The following CTDP1 variants were observed in gnomAD, a reference collection of about 807,000 sequenced individuals.
CTDP1 encodes the protein RNA polymerase II subunit A C-terminal domain phosphatase.
A neutral mutation model predicts 91.8 loss-of-function variants in CTDP1; 47 were observed. The ratio of observed to expected loss-of-function variants is 0.51; its 90% CI spans 0.41 to 0.65. The LOEUF (loss-of-function observed/expected upper bound fraction) is 0.65, where lower values mean the gene tolerates loss of function less well. CTDP1 is among the 30% of genes least tolerant of loss of function. The pLI, the probability that CTDP1 is intolerant of heterozygous loss-of-function variation, is 0.00. For synonymous variants in CTDP1, 656 were observed against 598.5 expected (o/e 1.10, Z -1.40); for missense variants, 1,272 against 1,373.7 (o/e 0.93, Z 1.17).
At position 79,753,718 on chromosome 18, in the gene CTDP1, G is replaced by A; in HGVS notation, c.2814G>A (p.Glu938=). ...ASESSRESSN[E]DEGSSSEADE... is the part of the protein sequence containing the mutation. ...AGTCCAGCAGGGAGTCCAGCAACGA[G>A]GATGAGGGCAGCAGCTCCGAGGCCG... Residue 938 remains glutamate (E), a synonymous_variant, in exon 13 of 13, where the codon GAG becomes GAA. Transcript: ENST00000613122. 6.2e-7 allele frequency: 1 copy of A among 1,614,104 alleles called. No homozygotes were observed. Among genetic ancestry groups the A allele is most frequent in the African/African-American group, 1.3e-5 (1 of 75,060 alleles).
chr18:79,695,168 G>T (rs1170723467), intron 1 of CTDP1, 57 bp from the exon 2 acceptor site: 20 of 1,486,834 alleles, frequency 1.3e-5, no homozygotes, highest in Non-Finnish European at 1.8e-5. Context: ...TTACTTGGGG[G>T]CTCTTTTGAT....
chr18:79,696,059 G>A lies in CTDP1; in HGVS notation c.481G>A (p.Val161Met). ...GGTGCACAGCGTGCCGGAGTTGATG[G>A]TGAGCTCCGAGGTGAGCCGGGCATC... The part of the protein sequence containing the change: ...SMVHSVPELM[V>M]SSEQAEQLGR... Residue 161 changes from valine to methionine, a missense_variant, in exon 3 of 13, where the codon GTG becomes ATG. This residue lies in a region of CTDP1 where 177 missense variants were observed against 283.0 expected (regional missense o/e 0.63). Transcript: ENST00000613122. 3 of 1,611,702 alleles carry A rather than the reference G, an allele frequency of 1.9e-6. No individual in the cohort carries two copies. The highest frequency in any genetic ancestry group is 1.7e-6 in the Non-Finnish European group (2 of 1,179,974).
At chr18:79,688,108 G>C (rs1006138435) in intron 1 of CTDP1, among the ~76,000 whole-genome samples, 1 of 152,350 alleles carries the variant, frequency 6.6e-6, no homozygotes, top group Admixed American at 6.5e-5. Flanking sequence ...CCACCTGTGC[G>C]TGTTCTCCAG....
chr18:79,700,591 G>C (rs1392531719), intron 4 of CTDP1, among the ~76,000 whole-genome samples: 1 of 152,268 alleles, frequency 6.6e-6, no homozygotes, highest in Non-Finnish European at 1.5e-5. Flanking sequence ...GTTGGTTCAT[G>C]AGGGTGAAGG....
At chr18:79,721,086 G>A (rs1030656127) in intron 10 of CTDP1, among the ~76,000 whole-genome samples, 5 of 152,134 alleles carry the variant, frequency 3.3e-5, no homozygotes, top group African/African-American at 1.2e-4. Flanking sequence ...CATCTGTGGC[G>A]AAGGCATAGC....
At position 79,680,013 on chromosome 18, in the gene CTDP1, G is replaced by T; in HGVS notation, c.66G>T (p.Val22=). 1 of 1,293,052 alleles carries T rather than the reference G, an allele frequency of 7.7e-7. No individual in the cohort carries two copies. 80.1% of individuals were successfully genotyped at this position (1,293,052 alleles called of 1,614,324 possible). Residue 22 remains valine (V), a synonymous_variant, in exon 1 of 13, where the codon GTG becomes GTT. Transcript: ENST00000613122. ...EGAPTAAVAE[V]RCPGPAPLRL... is the part of the protein sequence containing the mutation. Reference sequence around the variant, plus strand: ...CCCCGACGGCGGCTGTGGCCGAGGTGCGCTGCCCGGGGCCCGCGCCGCTGC... The same window carrying T: ...CCCCGACGGCGGCTGTGGCCGAGGTTCGCTGCCCGGGGCCCGCGCCGCTGC...
chr18:79,738,222 G>A lies in CTDP1; in HGVS notation c.2747+1701G>A, dbSNP rs370715870. Reference sequence around the variant, plus strand: ...TTGAGGATTTAGAAGCACGGCTCCCGTCTTCAGCTCCGGGGCTGCTCCGAG... The same window carrying A: ...TTGAGGATTTAGAAGCACGGCTCCCATCTTCAGCTCCGGGGCTGCTCCGAG... On this transcript the variant is annotated intron_variant, in intron 12 of 12. Transcript: ENST00000613122. Among the ~76,000 whole-genome samples, 62 of 152,326 alleles carry A rather than the reference G, an allele frequency of 4.1e-4. No homozygotes were observed. The South Asian group carries it at 0.011, about 27-fold the overall frequency.
chr18:79,701,554 TAAA>T (rs2085859675), intron 4 of CTDP1, among the ~76,000 whole-genome samples: 2 of 149,484 alleles, frequency 1.3e-5, no homozygotes, highest in African/African-American at 4.9e-5. Context: ...AATAAATAAA[TAAA>T]TAAATAAATA....
chr18:79,751,091 G>A (rs2122902683), intron 12 of CTDP1, among the ~76,000 whole-genome samples: 1 of 123,844 alleles, frequency 8.1e-6, no homozygotes, highest in East Asian at 2.5e-4. Flanking sequence ...AGGGAGGGAG[G>A]CTGGGCACAC....
intron 12 of CTDP1, among the ~76,000 whole-genome samples, chr18:79,740,304 T>C (rs1283934182): frequency 1.3e-5 from 2 of 152,238 alleles, no homozygotes; most frequent in African/African-American, 4.8e-5. Context: ...GGGCCGTGTG[T>C]GCCCCTCAAA....
In CTDP1 at chr18:79,753,970, A is replaced by C; in HGVS notation, c.*180A>C. On this transcript the variant is annotated 3_prime_UTR_variant, in exon 13 of 13. Transcript: ENST00000613122. Reference sequence around the variant, plus strand: ...ATAGGTGTTTTTAAGAAGTTTTACTACAGGAATGTCTACTTTTGTAAGTGA... The same window carrying C: ...ATAGGTGTTTTTAAGAAGTTTTACTCCAGGAATGTCTACTTTTGTAAGTGA... The C allele has an allele frequency of 1.2e-6, 1 of 846,516 alleles. No individual in the cohort carries two copies. The highest frequency in any genetic ancestry group is 2.7e-5 in the East Asian group (1 of 36,840). The allele number at this position is 846,516 out of a possible 1,614,324, so 52.4% of individuals were successfully genotyped here. A position where few individuals can be genotyped will look rare whatever the true frequency, so the allele number is the denominator to read the frequency against.
intron 10 of CTDP1, among the ~76,000 whole-genome samples, chr18:79,721,406 A>AC (rs1385900028): frequency 3.3e-5 from 5 of 151,614 alleles, no homozygotes; most frequent in East Asian, 1.9e-4. Context: ...GGATGTGGAG[A>AC]CCCCCCGTCT....
intron 5 of CTDP1, among the ~76,000 whole-genome samples, chr18:79,707,604 A>G (rs1056358087): frequency 1.7e-4 from 26 of 152,262 alleles, no homozygotes; most frequent in Non-Finnish European, 1.2e-4. Context: ...AGACGAAGAC[A>G]TCACAAGAAA....
upstream of CTDP1, chr18:79,677,482 CAG>C (rs961887226): frequency 1.3e-5 from 2 of 152,412 alleles, no homozygotes; most frequent in South Asian, 2.1e-4. Context: ...CTTATTGAAA[CAG>C]AGTTTGAAGT....
chr18:79,707,346 C>G (rs1182189247), intron 5 of CTDP1, among the ~76,000 whole-genome samples: 2 of 152,216 alleles, frequency 1.3e-5, no homozygotes, highest in Non-Finnish European at 2.9e-5. Context: ...AGCCTGGGAG[C>G]TGCTCGCAGA....
At chr18:79,736,886 G>A (rs1362657522) in intron 12 of CTDP1, among the ~76,000 whole-genome samples, 1 of 112,940 alleles carries the variant, frequency 8.9e-6, no homozygotes, top group Admixed American at 1.0e-4. Flanking sequence ...GTGCGCACAG[G>A]CGTGTGTGGG....
rs145888904 is a variant in CTDP1 at position 79,715,309 on chromosome 18, G to C, written c.1849G>C (p.Glu617Gln). 1.2e-6 allele frequency: 2 copies of C among 1,609,758 alleles called. No individual in the cohort carries two copies. The highest frequency in any genetic ancestry group is 1.7e-6 in the Non-Finnish European group (2 of 1,177,948). The change falls in exon 8 of 13, where the codon GAG (glutamate) becomes CAG (glutamine). Residue 617 changes from glutamate (E) to glutamine (Q), a missense_variant. Physicochemically the swap from Glu to Gln is conservative, Grantham distance 29. Coordinates refer to ENST00000613122, the MANE Select transcript of CTDP1 (RefSeq NM_004715.5). ...KYDRYLNKEI[E>Q]EAPDIRKIVP... ...TGACCGCTACCTCAACAAGGAGATC[G>C]AGGAGGCGCCGGACATCCGCAAGAT...
chr18:79,723,220 A>C (rs528779136), intron 10 of CTDP1, among the ~76,000 whole-genome samples: 30 of 152,228 alleles, frequency 2.0e-4, no homozygotes, highest in Non-Finnish European at 4.0e-4. Flanking sequence ...CCCAGGCCTC[A>C]TCTGTCACGG....
intron 11 of CTDP1, among the ~76,000 whole-genome samples, chr18:79,730,426 C>T (rs992835223): frequency 2.2e-4 from 33 of 152,142 alleles, no homozygotes; most frequent in Non-Finnish European, 3.7e-4. Context: ...CTGTTCCCCA[C>T]GCAGTCCTGT....
Sources: gnomAD v4.1 joint callset for allele counts (sites outside exome capture counted in the v4.1 genomes callset) on GRCh38, gnomAD v4.1.1 for gene constraint, gnomAD v4.1.1 regional missense constraint, MANE v1.5 for transcripts, NCBI Gene and HGNC (gene_info 2026-07-23, HGNC 2026-07-21) for gene names.